ARHGAP15: variants seen among roughly 807,000 people sequenced by gnomAD.
ARHGAP15 encodes Rho GTPase activating protein 15.
Under a neutral mutation model 63.7 loss-of-function variants are expected in ARHGAP15, and 51 were observed. That is an observed-to-expected ratio of 0.80 (90% CI 0.64 to 1.01). The LOEUF (loss-of-function observed/expected upper bound fraction) is 1.01. Ranked by LOEUF, ARHGAP15 falls within the 50% of genes least tolerant of loss-of-function variation. The pLI is 0.00. For missense variants in ARHGAP15, 560 were observed against 564.6 expected, an observed-to-expected ratio of 0.99 and a Z score of 0.08; for synonymous variants, 191 against 193.8, an observed-to-expected ratio of 0.99 and a Z score of 0.12.
intron 3 of ARHGAP15, among the ~76,000 whole-genome samples, chr2:143,210,430 T>C (rs1326196197): frequency 6.6e-6 from 1 of 152,090 alleles, no homozygotes; most frequent in Non-Finnish European, 1.5e-5. Flanking sequence ...CAAAATGACA[T>C]TTTGATGAGT....
chr2:143,465,855 T>C (rs1321043836), intron 8 of ARHGAP15, among the ~76,000 whole-genome samples: 1 of 152,140 alleles, frequency 6.6e-6, no homozygotes, highest in Non-Finnish European at 1.5e-5. Context: ...CTTTTTGCAA[T>C]TCCAAATTCA....
chr2:143,539,817 G>A (rs1220741965), intron 10 of ARHGAP15, among the ~76,000 whole-genome samples: 3 of 152,114 alleles, frequency 2.0e-5, no homozygotes, highest in South Asian at 2.1e-4. Flanking sequence ...GTCAATTTTG[G>A]AATAGGAGTG....
Position 143,250,578 on chromosome 2 carries a change from C to T in ARHGAP15, c.452C>T (p.Ser151Leu), listed in dbSNP as rs773820252. ...GAHIEWAKEK[S>L]SRKNVFQITT... ...CACATTGAATGGGCCAAGGAAAAAT[C>T]GAGCAGAAAGAATGTCTTTCAGGTA... is the stretch of plus-strand genomic sequence containing the variant. The change falls in exon 6 of 14, where the codon TCG (serine) becomes TTG (leucine). Residue 151 changes from serine (S) to leucine (L), a missense_variant. By Grantham distance (145) the Ser-to-Leu change is moderately radical. Coordinates refer to ENST00000295095, the MANE Select transcript of ARHGAP15 (RefSeq NM_018460.4). 4 of 1,613,122 alleles carry T rather than the reference C, an allele frequency of 2.5e-6. No homozygotes were observed. The highest frequency in any genetic ancestry group is 1.3e-5 in the African/African-American group (1 of 74,984).
chr2:143,306,376 T>G (rs74733698), intron 6 of ARHGAP15, among the ~76,000 whole-genome samples: 2,981 of 152,214 alleles, frequency 0.02, 99 homozygotes, highest in African/African-American at 0.068. Flanking sequence ...AGACTTGGAA[T>G]TGGCTAAATC....
At chr2:143,611,075 T>A (rs1391051008) in intron 11 of ARHGAP15, among the ~76,000 whole-genome samples, 1 of 152,168 alleles carries the variant, frequency 6.6e-6, no homozygotes, top group Non-Finnish European at 1.5e-5. Flanking sequence ...GAAACAAGGC[T>A]GTATACCGTA....
At chr2:143,263,227 T>A (rs914844254) in intron 6 of ARHGAP15, among the ~76,000 whole-genome samples, 2 of 152,184 alleles carry the variant, frequency 1.3e-5, no homozygotes, top group African/African-American at 4.8e-5. Context: ...TTCATTTCCC[T>A]CATTTCCTTG....
intron 6 of ARHGAP15, among the ~76,000 whole-genome samples, chr2:143,292,478 T>C (rs1344347913): frequency 6.6e-6 from 1 of 152,046 alleles, no homozygotes; most frequent in African/African-American, 2.4e-5. Context: ...TGTGTAAATA[T>C]GCATAGTTCA....
Position 143,417,586 on chromosome 2 carries a change from A to C in ARHGAP15, c.475-18015A>C, listed in dbSNP as rs1401467353. ...AGTGGCTACCCTTTTTAATCTCTACAGGTGAGACAGAAGCACCAAGTAGTG... is the reference window on the plus strand; with the variant it reads ...AGTGGCTACCCTTTTTAATCTCTACCGGTGAGACAGAAGCACCAAGTAGTG... On this transcript the variant is annotated intron_variant, in intron 6 of 13. Transcript: ENST00000295095. Among the ~76,000 whole-genome samples, 4 of 152,182 alleles carry C rather than the reference A, an allele frequency of 2.6e-5. No individual in the cohort carries two copies. In the South Asian group the frequency reaches 8.3e-4, roughly 32 times the overall value.
intron 6 of ARHGAP15, among the ~76,000 whole-genome samples, chr2:143,257,774 C>G (rs77476820): frequency 2.6e-5 from 4 of 152,014 alleles, no homozygotes; most frequent in Admixed American, 1.3e-4. Context: ...AGACTTGACA[C>G]GATGCACTCC....
chr2:143,470,974 TACAC>T (rs975761723), intron 8 of ARHGAP15, among the ~76,000 whole-genome samples: 2 of 144,396 alleles, frequency 1.4e-5, no homozygotes, highest in African/African-American at 5.0e-5. Context: ...TGTGTGTACA[TACAC>T]ACGTGTATCA....
intron 12 of ARHGAP15, among the ~76,000 whole-genome samples, chr2:143,638,316 C>A (rs1007496757): frequency 6.7e-6 from 1 of 148,554 alleles, no homozygotes; most frequent in African/African-American, 2.5e-5. Flanking sequence ...GAATACTATG[C>A]AGCCATAAAA....
chr2:143,735,784 G>T (rs1181869333), intron 13 of ARHGAP15, among the ~76,000 whole-genome samples: 1 of 152,152 alleles, frequency 6.6e-6, no homozygotes, highest in African/African-American at 2.4e-5. Flanking sequence ...ATCCACAGTA[G>T]TAAAGTATAA....
At chr2:143,435,457 C>T in intron 6 of ARHGAP15, 144 bp from the exon 7 acceptor site, 1 of 1,264,086 alleles carries the variant, frequency 7.9e-7, no homozygotes. Context: ...GCTCCCAGTT[C>T]CCAGAAAGAC....
At chr2:143,745,414 T>C (rs1686126747) in intron 13 of ARHGAP15, among the ~76,000 whole-genome samples, 1 of 152,192 alleles carries the variant, frequency 6.6e-6, no homozygotes, top group South Asian at 2.1e-4. Context: ...AGAGCAGGTC[T>C]CTTTGTCCAA....
chr2:143,271,124 C>G (rs1681258130), intron 6 of ARHGAP15, among the ~76,000 whole-genome samples: 1 of 152,132 alleles, frequency 6.6e-6, no homozygotes, highest in South Asian at 2.1e-4. Context: ...CAATTTTATG[C>G]ACTATTAATT....
At chr2:143,346,154 G>GCA (rs558611067) in intron 6 of ARHGAP15, among the ~76,000 whole-genome samples, 3,559 of 118,758 alleles carry the variant, frequency 0.03, 48 homozygotes, top group Non-Finnish European at 0.042. Flanking sequence ...GTACAAATGA[G>GCA]CACACACACA....
At chr2:143,546,434 G>GA (rs1408501913) in intron 10 of ARHGAP15, among the ~76,000 whole-genome samples, 1 of 151,728 alleles carries the variant, frequency 6.6e-6, no homozygotes, top group Non-Finnish European at 1.5e-5. Context: ...TTTAATTTAT[G>GA]AAATAGTCTC....
chr2:143,359,062 A>G (rs1357320822), intron 6 of ARHGAP15, among the ~76,000 whole-genome samples: 1 of 152,190 alleles, frequency 6.6e-6, no homozygotes, highest in African/African-American at 2.4e-5. Flanking sequence ...TACTATCTAC[A>G]TAATAGTATG....
At chr2:143,428,021 G>C (rs542321117) in intron 6 of ARHGAP15, among the ~76,000 whole-genome samples, 1 of 152,130 alleles carries the variant, frequency 6.6e-6, no homozygotes, top group African/African-American at 2.4e-5. Context: ...AATTGTCATT[G>C]GCCTCAGGAT....
Sources: gnomAD v4.1 joint callset for allele counts (sites outside exome capture counted in the v4.1 genomes callset) on GRCh38, gnomAD v4.1.1 for gene constraint, MANE v1.5 for transcripts, NCBI Gene and HGNC (gene_info 2026-07-23, HGNC 2026-07-21) for gene names.